Variants in DAB1 observed in about 807,000 individuals in gnomAD.
DAB1 encodes DAB adaptor protein 1, also known as disabled homolog 1.
DAB1 carries 15 observed loss-of-function variants against 64.6 expected under a neutral mutation model. The ratio of observed to expected loss-of-function variants is 0.23; its 90% CI spans 0.16 to 0.36. The LOEUF (loss-of-function observed/expected upper bound fraction) is 0.36. Among genes scored for constraint, DAB1 ranks in the 10% least tolerant of loss-of-function variants. The pLI is 1.00. For synonymous variants in DAB1, 235 were observed against 251.9 expected, an observed-to-expected ratio of 0.93 and a Z score of 0.64; for missense variants, 596 against 706.7, an observed-to-expected ratio of 0.84 and a Z score of 1.78.
intron 2 of DAB1, among the ~76,000 whole-genome samples, chr1:58,524,852 A>G (rs893500101): frequency 1.1e-4 from 16 of 152,232 alleles, no homozygotes; most frequent in Admixed American, 7.2e-4. Flanking sequence ...AAGAACTGCA[A>G]GAGACCATTT....
At chr1:58,266,679 A>G (rs1207335898) in intron 4 of DAB1, among the ~76,000 whole-genome samples, 1 of 152,234 alleles carries the variant, frequency 6.6e-6, no homozygotes, top group Non-Finnish European at 1.5e-5. Context: ...AATCCTATGA[A>G]TCCATGGATA....
At chr1:57,439,418 GTTTTTTCTTTTTTT>G (rs1323747667) in intron 7 of DAB1, among the ~76,000 whole-genome samples, 4 of 116,140 alleles carry the variant, frequency 3.4e-5, no homozygotes, top group Admixed American at 1.7e-4. Context: ...TGGTGATGAG[GTTTTTTCTTTTTTT>G]TTTTTTTTTT....
intron 3 of DAB1, among the ~76,000 whole-genome samples, chr1:58,418,291 C>A (rs2100216298): frequency 6.6e-6 from 1 of 152,252 alleles, no homozygotes; most frequent in East Asian, 1.9e-4. Flanking sequence ...GAATTTAATT[C>A]CCTGCATGAT....
chr1:57,991,687 A>G (rs540721599), intron 5 of DAB1, among the ~76,000 whole-genome samples: 86 of 152,048 alleles, frequency 5.7e-4, no homozygotes, highest in Non-Finnish European at 1.2e-3. Context: ...CTCCGCTAAA[A>G]ATACAAAAAT....
chr1:57,743,440 T>C (rs1407678380), intron 6 of DAB1, among the ~76,000 whole-genome samples: 1 of 152,230 alleles, frequency 6.6e-6, no homozygotes, highest in East Asian at 1.9e-4. Flanking sequence ...GAACTAATGA[T>C]AATCCATCAC....
intron 1 of DAB1, among the ~76,000 whole-genome samples, chr1:57,370,440 T>C (rs1246258517): frequency 6.6e-6 from 1 of 152,154 alleles, no homozygotes; most frequent in Admixed American, 6.5e-5. Context: ...TAAAGTGAAA[T>C]AAAAGAGTTG....
chr1:58,341,545 G>A (rs3861824), intron 4 of DAB1, among the ~76,000 whole-genome samples: 19,026 of 152,142 alleles, frequency 0.13, 1,241 homozygotes, highest in Non-Finnish European at 0.14. Flanking sequence ...GAAGTAGATC[G>A]TATCTGCAGT....
intron 7 of DAB1, among the ~76,000 whole-genome samples, chr1:57,529,564 G>A (rs1425515026): frequency 6.6e-6 from 1 of 152,046 alleles, no homozygotes; most frequent in Non-Finnish European, 1.5e-5. Context: ...AACAAAATAT[G>A]TTGTGACTAT....
At chr1:57,306,206 T>G (rs2100716842) in intron 1 of DAB1, among the ~76,000 whole-genome samples, 1 of 152,246 alleles carries the variant, frequency 6.6e-6, no homozygotes. Flanking sequence ...AACCCAAGTG[T>G]ATCTGATTCC....
At chr1:58,288,094 TA>T (rs377109486) in intron 4 of DAB1, among the ~76,000 whole-genome samples, 3,197 of 151,164 alleles carry the variant, frequency 0.021, 114 homozygotes, top group African/African-American at 0.074. Context: ...ACATGCAACT[TA>T]AATATAGAGT....
chr1:57,305,491 A>T (rs898148533), intron 1 of DAB1, among the ~76,000 whole-genome samples: 2 of 152,304 alleles, frequency 1.3e-5, no homozygotes, highest in Admixed American at 6.5e-5. Context: ...AGCTTCCCAG[A>T]GCAGGAGAAT....
At chr1:57,541,509 A>G (rs1345264533) in intron 7 of DAB1, among the ~76,000 whole-genome samples, 1 of 152,248 alleles carries the variant, frequency 6.6e-6, no homozygotes, top group African/African-American at 2.4e-5. Context: ...TAGTGCCAGT[A>G]TAACAAAGGA....
chr1:57,818,587 A>G (rs190060573), intron 6 of DAB1, among the ~76,000 whole-genome samples: 1 of 152,194 alleles, frequency 6.6e-6, no homozygotes, highest in African/African-American at 2.4e-5. Context: ...TAAGCAGCTT[A>G]CATACATTCT....
intron 7 of DAB1, among the ~76,000 whole-genome samples, chr1:57,577,349 G>A (rs148570385): frequency 3.3e-5 from 5 of 152,058 alleles, no homozygotes; most frequent in African/African-American, 9.6e-5. Flanking sequence ...AAACTAGTTG[G>A]AGACTCCATG....
intron 6 of DAB1, among the ~76,000 whole-genome samples, chr1:57,686,277 C>A (rs1198952540): frequency 2.0e-5 from 3 of 152,138 alleles, no homozygotes; most frequent in East Asian, 1.9e-4. Flanking sequence ...CAACTCTATG[C>A]ACACAAATTA....
rs542704531 is a variant in DAB1, at chr1:58,025,399, T to G, written n.387+125112A>C. On this transcript the variant is annotated intron_variant and non_coding_transcript_variant, in intron 5 of 20. Coordinates refer to the DAB1 transcript ENST00000485760. ...TCCTAGTAATTCAACTTATTAGCCATGTTTAGGAACCACCCAACTAAGTGG... is the reference window on the plus strand; with the variant it reads ...TCCTAGTAATTCAACTTATTAGCCAGGTTTAGGAACCACCCAACTAAGTGG... 1.7e-3 allele frequency among the ~76,000 whole-genome samples: 252 copies of G among 152,002 alleles called. 2 individuals are homozygous for G. The highest frequency in any genetic ancestry group is 5.5e-3 in the African/African-American group (229 of 41,486).
intron 3 of DAB1, among the ~76,000 whole-genome samples, chr1:58,408,225 G>A (rs338912): frequency 0.38 from 57,356 of 151,524 alleles, 11,375 homozygotes; most frequent in African/African-American, 0.51. Flanking sequence ...TTTCTACCTC[G>A]GGACCTTTTC....
At chr1:58,199,174 T>C (rs567418804) in intron 4 of DAB1, among the ~76,000 whole-genome samples, 2 of 152,222 alleles carry the variant, frequency 1.3e-5, no homozygotes, top group South Asian at 4.2e-4. Flanking sequence ...TAAGAAGCTA[T>C]GGAAAGAGGC....
At chr1:57,846,754 C>T (rs1653305980) in intron 1 of DAB1, among the ~76,000 whole-genome samples, 1 of 152,192 alleles carries the variant, frequency 6.6e-6, no homozygotes, top group Admixed American at 6.5e-5. Context: ...GTGAGTTCTA[C>T]TGCATAATTC....
Sources: allele counts gnomAD v4.1 joint callset (sites outside exome capture counted in the v4.1 genomes callset), GRCh38; gene constraint gnomAD v4.1.1; transcripts MANE v1.5; gene names NCBI Gene and HGNC (gene_info 2026-07-23, HGNC 2026-07-21).